DTNBP1: variants seen among roughly 807,000 people sequenced by gnomAD.
The protein encoded by DTNBP1 is dysbindin.
DTNBP1 carries 35 observed loss-of-function variants against 42.8 expected under a neutral mutation model. That is an observed-to-expected ratio of 0.82 (90% CI 0.63 to 1.09). DTNBP1 has a LOEUF of 1.09. Ranked by LOEUF, DTNBP1 falls within the 50% of genes least tolerant of loss-of-function variation. The probability of loss-of-function intolerance (pLI) is 0.00; values close to 1 mark genes in which losing one functional copy is unlikely to be tolerated. For synonymous variants in DTNBP1, 171 were observed against 162.2 expected (o/e 1.05, Z -0.41); for missense variants, 457 against 424.2 (o/e 1.08, Z -0.68).
At chr6:15,659,907 C>T (rs1289509849) in intron 1 of DTNBP1, among the ~76,000 whole-genome samples, 2 of 152,124 alleles carry the variant, frequency 1.3e-5, no homozygotes, top group African/African-American at 4.8e-5. Context: ...TCAAGGGATC[C>T]TCCTGCCTCA....
At chr6:15,526,510 G>GT in intron 8 of DTNBP1, among the ~76,000 whole-genome samples, 1 of 152,314 alleles carries the variant, frequency 6.6e-6, no homozygotes, top group Middle Eastern at 3.4e-3. Context: ...TTGGGGAAAA[G>GT]TATTATGGTT....
intron 8 of DTNBP1, among the ~76,000 whole-genome samples, chr6:15,527,361 A>G (rs534818599): frequency 1.6e-4 from 25 of 152,360 alleles, no homozygotes; most frequent in African/African-American, 5.3e-4. Context: ...TCCAATCACA[A>G]TGAAATTTAG....
chr6:15,592,397 A>G (rs1005972575), intron 7 of DTNBP1, among the ~76,000 whole-genome samples: 1 of 152,228 alleles, frequency 6.6e-6, no homozygotes, highest in Non-Finnish European at 1.5e-5. Flanking sequence ...GGAAACTGGA[A>G]GAACCTTGAG....
chr6:15,659,635 C>G (rs1761485453), intron 1 of DTNBP1, among the ~76,000 whole-genome samples: 1 of 149,878 alleles, frequency 6.7e-6, no homozygotes, highest in Admixed American at 6.6e-5. Context: ...TCACTGCAAC[C>G]TCCACCTCCT....
At chr6:15,562,503 G>A (rs1774888642) in intron 7 of DTNBP1, among the ~76,000 whole-genome samples, 1 of 152,180 alleles carries the variant, frequency 6.6e-6, no homozygotes, top group Non-Finnish European at 1.5e-5. Flanking sequence ...CATTAGCTTA[G>A]AAATCCCAAA....
chr6:15,613,076 G>A (rs1758502847), intron 6 of DTNBP1, among the ~76,000 whole-genome samples: 2 of 152,028 alleles, frequency 1.3e-5, no homozygotes, highest in African/African-American at 4.8e-5. Context: ...GGGAGGCTGA[G>A]GCGAGTGGAT....
At chr6:15,566,193 T>TACTAAAAATACAAAAA (rs1328129453) in intron 7 of DTNBP1, among the ~76,000 whole-genome samples, 1 of 150,574 alleles carries the variant, frequency 6.6e-6, no homozygotes, top group African/African-American at 2.4e-5. Context: ...CGGGCGCCTG[T>TACTAAAAATACAAAAA]AGTCCCAGCT....
intron 7 of DTNBP1, among the ~76,000 whole-genome samples, chr6:15,539,406 T>G (rs762688848): frequency 1.2e-4 from 19 of 152,210 alleles, no homozygotes; most frequent in Non-Finnish European, 2.5e-4. Flanking sequence ...CCTACACTCC[T>G]AGCGCCTCTT....
chr6:15,532,785 C>T (rs967761431), intron 8 of DTNBP1, among the ~76,000 whole-genome samples: 5 of 148,236 alleles, frequency 3.4e-5, no homozygotes, highest in East Asian at 4.0e-4. Flanking sequence ...TGGCAACCTC[C>T]GCCTCCCGGG....
At chr6:15,631,577 G>T (rs549642879) in intron 4 of DTNBP1, among the ~76,000 whole-genome samples, 1 of 152,290 alleles carries the variant, frequency 6.6e-6, no homozygotes, top group South Asian at 2.1e-4. Flanking sequence ...TTTCCCTGCA[G>T]ATGGACTTCG....
chr6:15,542,906 G>C (rs1267322190), intron 7 of DTNBP1, among the ~76,000 whole-genome samples: 3 of 151,944 alleles, frequency 2.0e-5, no homozygotes, highest in Non-Finnish European at 4.4e-5. Context: ...CACCATGTTG[G>C]CCAGGCTGGT....
chr6:15,592,997 G>A (rs936202951), intron 7 of DTNBP1, 62 bp downstream of exon 7: 1 of 1,431,468 alleles, frequency 7.0e-7, no homozygotes, highest in Non-Finnish European at 9.6e-7. Flanking sequence ...TCATTGTCGA[G>A]AGAACATCTG....
At chr6:15,655,374 C>A (rs779991395) in intron 1 of DTNBP1, among the ~76,000 whole-genome samples, 23 of 152,148 alleles carry the variant, frequency 1.5e-4, no homozygotes, top group South Asian at 1.0e-3. Flanking sequence ...ATCCTCCCAC[C>A]TCAGCCTCCC....
intron 3 of DTNBP1, among the ~76,000 whole-genome samples, chr6:15,643,430 C>T (rs1318483683): frequency 6.6e-6 from 1 of 151,958 alleles, no homozygotes; most frequent in Non-Finnish European, 1.5e-5. Context: ...AATCTAGAAT[C>T]AAGAAATTCA....
intron 5 of DTNBP1, among the ~76,000 whole-genome samples, chr6:15,623,949 T>A (rs1164816652): frequency 6.6e-6 from 1 of 152,208 alleles, no homozygotes; most frequent in African/African-American, 2.4e-5. Context: ...CTGCCTAACA[T>A]CCATCCAAAC....
chr6:15,658,642 G>A lies in DTNBP1; in HGVS notation c.56+4172C>T, dbSNP rs537521465. Among the ~76,000 whole-genome samples the A allele has an allele frequency of 2.0e-5, 3 of 152,340 alleles. No homozygotes were observed. The South Asian group carries it at 6.2e-4, about 32-fold the overall frequency. ...TTTCAGTTCCCTGAAGGGTTTGCAT[G>A]CCTAAATACCTCAATCCTGAGGCCT... On this transcript the variant is annotated intron_variant, in intron 1 of 9. Coordinates refer to ENST00000344537, the MANE Select transcript of DTNBP1 (RefSeq NM_032122.5).
chr6:15,574,799 A>T (rs1775494591), intron 7 of DTNBP1, among the ~76,000 whole-genome samples: 2 of 152,116 alleles, frequency 1.3e-5, no homozygotes, highest in Non-Finnish European at 2.9e-5. Flanking sequence ...TGGTGGTAGG[A>T]CCCTCTAATA....
chr6:15,611,411 C>T (rs1758392951), intron 6 of DTNBP1, among the ~76,000 whole-genome samples: 1 of 152,106 alleles, frequency 6.6e-6, no homozygotes, highest in South Asian at 2.1e-4. Context: ...TGGAGATGAA[C>T]AAGGAGAACA....
intron 6 of DTNBP1, among the ~76,000 whole-genome samples, chr6:15,609,559 T>C (rs1758280030): frequency 6.6e-6 from 1 of 152,218 alleles, no homozygotes; most frequent in Non-Finnish European, 1.5e-5. Context: ...GACCTCGTGT[T>C]CCACCCACCT....
Sources: gnomAD v4.1 joint callset for allele counts (sites outside exome capture counted in the v4.1 genomes callset) on GRCh38, gnomAD v4.1.1 for gene constraint, MANE v1.5 for transcripts, NCBI Gene and HGNC (gene_info 2026-07-23, HGNC 2026-07-21) for gene names.